The following RSRC1 variants were observed in gnomAD, a reference collection of about 807,000 sequenced individuals.
The protein encoded by RSRC1 is arginine and serine rich coiled-coil 1.
RSRC1 carries 39 observed loss-of-function variants against 49.1 expected under a neutral mutation model. That is an observed-to-expected ratio of 0.79 (90% CI 0.61 to 1.04). RSRC1 has a LOEUF of 1.04. RSRC1 is among the 50% of genes least tolerant of loss of function. The pLI, the probability that RSRC1 is intolerant of heterozygous loss-of-function variation, is 0.00. For missense variants in RSRC1, 388 were observed against 402.4 expected (o/e 0.96, Z 0.31); for synonymous variants, 143 against 130.8 (o/e 1.09, Z -0.63).
chr3:158,262,277 T>C (rs1373621423), intron 4 of RSRC1, among the ~76,000 whole-genome samples: 1 of 152,224 alleles, frequency 6.6e-6, no homozygotes, highest in African/African-American at 2.4e-5. Context: ...TTTAGGTCTA[T>C]GGTTTATTTG....
chr3:158,334,708 A>G (rs1336835939), intron 5 of RSRC1, among the ~76,000 whole-genome samples: 1 of 146,400 alleles, frequency 6.8e-6, no homozygotes, highest in Non-Finnish European at 1.5e-5. Context: ...TTTAGTAGAG[A>G]CAGGGTTTCA....
At chr3:158,467,729 G>A (rs1046018223) in intron 7 of RSRC1, among the ~76,000 whole-genome samples, 1 of 152,152 alleles carries the variant, frequency 6.6e-6, no homozygotes, top group African/African-American at 2.4e-5. Flanking sequence ...ATGAGACAGA[G>A]ATTTACATTA....
chr3:158,517,910 T>C (rs1740663767), intron 7 of RSRC1, among the ~76,000 whole-genome samples: 1 of 149,990 alleles, frequency 6.7e-6, no homozygotes, highest in Non-Finnish European at 1.5e-5. Flanking sequence ...CTGACTTTAG[T>C]TTTTTTAGTT....
intron 3 of RSRC1, among the ~76,000 whole-genome samples, chr3:158,140,830 A>G (rs1172476614): frequency 6.6e-6 from 1 of 152,202 alleles, no homozygotes; most frequent in Non-Finnish European, 1.5e-5. Context: ...ATGCTGTTAG[A>G]GATATTACTG....
intron 7 of RSRC1, among the ~76,000 whole-genome samples, chr3:158,520,847 A>C (rs891352051): frequency 1.3e-5 from 2 of 152,052 alleles, no homozygotes; most frequent in African/African-American, 4.8e-5. Context: ...GTATATATAA[A>C]ATTTTTATTT....
intron 4 of RSRC1, among the ~76,000 whole-genome samples, chr3:158,244,159 A>T (rs1213146451): frequency 6.6e-6 from 1 of 152,028 alleles, no homozygotes; most frequent in Non-Finnish European, 1.5e-5. Flanking sequence ...TTCCAATACT[A>T]TGTTGAATAG....
rs553292326 is a variant in RSRC1, at chr3:158,320,241, A to G, written c.531+22166A>G. On this transcript the variant is annotated intron_variant, in intron 5 of 9. Coordinates refer to ENST00000611884, the MANE Select transcript of RSRC1 (RefSeq NM_001271838.2). ...ACTTTGACCAGTGAGGAGAAAAAGG[A>G]TATCAGGGACGGAGATCTGGAATAC... 4.6e-5 allele frequency among the ~76,000 whole-genome samples: 7 copies of G among 152,314 alleles called. No individual in the cohort carries two copies. In the East Asian group the frequency reaches 1.3e-3, roughly 29 times the overall value.
intron 5 of RSRC1, among the ~76,000 whole-genome samples, chr3:158,305,044 T>C (rs977749021): frequency 7.9e-5 from 12 of 152,156 alleles, no homozygotes; most frequent in African/African-American, 2.9e-4. Context: ...GTGATCCGTT[T>C]CTCTGATACA....
At chr3:158,453,221 T>C (rs1188009933) in intron 6 of RSRC1, among the ~76,000 whole-genome samples, 15 of 151,480 alleles carry the variant, frequency 9.9e-5, no homozygotes, top group African/African-American at 3.4e-4. Flanking sequence ...GCACACATTT[T>C]CAAACTCTTG....
chr3:158,358,130 A>G (rs1011753013), intron 6 of RSRC1, among the ~76,000 whole-genome samples: 5 of 152,218 alleles, frequency 3.3e-5, no homozygotes, highest in Admixed American at 6.5e-5. Flanking sequence ...AAATGTACCT[A>G]TAGGGTGTTA....
At chr3:158,241,146 C>T (rs529736250) in intron 4 of RSRC1, among the ~76,000 whole-genome samples, 227 of 152,096 alleles carry the variant, frequency 1.5e-3, no homozygotes, top group Non-Finnish European at 8.7e-4. Context: ...AGAAATTCTG[C>T]CATTAAAAAT....
intron 5 of RSRC1, among the ~76,000 whole-genome samples, chr3:158,304,770 AAC>A (rs1727748229): frequency 6.6e-6 from 1 of 152,266 alleles, no homozygotes; most frequent in East Asian, 1.9e-4. Context: ...TGCGTATTAA[AAC>A]AGACACTTTC....
intron 4 of RSRC1, among the ~76,000 whole-genome samples, chr3:158,225,980 G>A (rs1216187975): frequency 6.6e-6 from 1 of 151,870 alleles, no homozygotes; most frequent in Non-Finnish European, 1.5e-5. Flanking sequence ...TTAGGGAATG[G>A]CAGAACTGAG....
At chr3:158,136,126 G>A (rs1294421503) in intron 3 of RSRC1, among the ~76,000 whole-genome samples, 1 of 152,170 alleles carries the variant, frequency 6.6e-6, no homozygotes, top group East Asian at 1.9e-4. Context: ...TATAGAAGGT[G>A]GCATTACAGA....
chr3:158,200,385 A>G (rs1290001530), intron 3 of RSRC1, among the ~76,000 whole-genome samples: 1 of 152,122 alleles, frequency 6.6e-6, no homozygotes, highest in African/African-American at 2.4e-5. Flanking sequence ...TAAAGTACAT[A>G]TTTTGTAGAT....
intron 6 of RSRC1, among the ~76,000 whole-genome samples, chr3:158,394,636 G>A (rs1733510412): frequency 2.0e-5 from 3 of 152,058 alleles, no homozygotes; most frequent in Admixed American, 2.0e-4. Context: ...AACCAGGGAA[G>A]TGAAAGATCT....
chr3:158,123,819 T>C (rs879042744), intron 2 of RSRC1, 47 bp from the exon 3 acceptor site: 1 of 1,552,390 alleles, frequency 6.4e-7, no homozygotes, highest in Non-Finnish European at 8.7e-7. Context: ...TTAATGCTCA[T>C]AATAAAAATT....
chr3:158,337,137 A>G (rs1304286834), intron 5 of RSRC1, among the ~76,000 whole-genome samples: 4 of 152,234 alleles, frequency 2.6e-5, no homozygotes, highest in South Asian at 2.1e-4. Flanking sequence ...GTCCTCTGCC[A>G]TGTGAGAAAG....
intron 6 of RSRC1, among the ~76,000 whole-genome samples, chr3:158,422,199 A>G (rs1343965527): frequency 6.8e-6 from 1 of 147,390 alleles, no homozygotes; most frequent in Non-Finnish European, 1.5e-5. Flanking sequence ...AGCATTAGGT[A>G]TATCTCCCAA....
Sources: gnomAD v4.1 joint callset for allele counts (sites outside exome capture counted in the v4.1 genomes callset) on GRCh38, gnomAD v4.1.1 for gene constraint, MANE v1.5 for transcripts, NCBI Gene and HGNC (gene_info 2026-07-23, HGNC 2026-07-21) for gene names.